The following BFSP2 variants were observed in gnomAD, a reference collection of about 807,000 sequenced individuals.
The protein encoded by BFSP2 is phakinin.
BFSP2 carries 38 observed loss-of-function variants against 44.9 expected under a neutral mutation model. That is an observed-to-expected ratio of 0.85 (90% CI 0.65 to 1.11). BFSP2 has a LOEUF of 1.11. BFSP2 is among the 50% of genes least tolerant of loss of function. The pLI is 0.00. For synonymous variants in BFSP2, 197 were observed against 209.9 expected (o/e 0.94, Z 0.53); for missense variants, 525 against 533.0 (o/e 0.99, Z 0.15).
rs562895753 is a variant in BFSP2, at chr3:133,400,860, G to A, written c.489+288G>A. 4.6e-5 allele frequency among the ~76,000 whole-genome samples: 7 copies of A among 152,340 alleles called. No homozygotes were observed. The South Asian group carries it at 1.5e-3, about 32-fold the overall frequency. ...TTTTTCAGATGAGAAACTGAGGCAT[G>A]TAATTTGCCCAAGACTTCAAAGCTA... On this transcript the variant is annotated intron_variant, in intron 1 of 6. Transcript: ENST00000302334. The surrounding 1 kb of genome is among the most constrained non-coding windows in gnomAD (Gnocchi z 4.0).
intron 1 of BFSP2, among the ~76,000 whole-genome samples, chr3:133,423,915 G>A (rs1173378288): frequency 1.3e-5 from 2 of 152,138 alleles, no homozygotes; most frequent in Non-Finnish European, 2.9e-5. Flanking sequence ...GCAGTCGTCC[G>A]CTTCACGTCA....
intron 1 of BFSP2, among the ~76,000 whole-genome samples, chr3:133,420,674 A>G (rs542798986): frequency 6.6e-6 from 1 of 152,306 alleles, no homozygotes; most frequent in East Asian, 1.9e-4. Flanking sequence ...TAGTGGGAGG[A>G]CCACGGAGTC....
chr3:133,428,812 C>T lies in BFSP2; in HGVS notation c.490-18505C>T, dbSNP rs538251260. ...GCCACACTTCCATACCGCCTGCCCTCGCTCTGACCTGCCTTCTCCATCAAA... is the reference window on the plus strand; with the variant it reads ...GCCACACTTCCATACCGCCTGCCCTTGCTCTGACCTGCCTTCTCCATCAAA... On this transcript the variant is annotated intron_variant, in intron 1 of 6. Transcript: ENST00000302334. Among the ~76,000 whole-genome samples the T allele has an allele frequency of 2.0e-5, 3 of 152,316 alleles. No homozygotes were observed. In the South Asian group the frequency reaches 6.2e-4, roughly 32 times the overall value.
chr3:133,455,271 A>G (rs928269921), intron 4 of BFSP2: 4 of 152,216 alleles, frequency 2.6e-5, no homozygotes, highest in Admixed American at 6.5e-5. Context: ...GCAGTGCAAT[A>G]GGTTTGTTTA....
At chr3:133,425,779 GAA>G (rs1406394757) in intron 1 of BFSP2, among the ~76,000 whole-genome samples, 1 of 33,612 alleles carries the variant, frequency 3.0e-5, no homozygotes, top group Non-Finnish European at 5.2e-5. Context: ...AAGGGAAAGG[GAA>G]AGGGAAGGGA....
At position 133,473,438 on chromosome 3, in the gene BFSP2, C is replaced by CAAAA. The variant is rs748691333; in HGVS notation, c.1244+891_1244+894dup. ...GGAAGTGGGAGAGAAGAGGCAGCAG[C>CAAAA]AAAAAAAAAAAAAAAAAAAAAGGCT... On this transcript the variant is annotated intron_variant, in intron 6 of 6. Transcript: ENST00000302334. Among the ~76,000 whole-genome samples, 94 of 72,594 alleles carry CAAAA rather than the reference C, an allele frequency of 1.3e-3. 1 individual carries two copies. Among genetic ancestry groups the CAAAA allele is most frequent in the African/African-American group, 2.3e-3 (45 of 19,178 alleles). The allele number at this position is 72,594 out of a possible 152,430, so 47.6% of individuals were successfully genotyped here.
chr3:133,432,307 C>A (rs769575489), intron 1 of BFSP2, among the ~76,000 whole-genome samples: 2 of 152,308 alleles, frequency 1.3e-5, no homozygotes, highest in East Asian at 3.9e-4. Flanking sequence ...GGTGCCCAAC[C>A]GGTACACCCT....
chr3:133,452,300 C>A (rs1009087803), intron 4 of BFSP2, among the ~76,000 whole-genome samples: 2 of 152,188 alleles, frequency 1.3e-5, no homozygotes, highest in Admixed American at 1.3e-4. Flanking sequence ...CCAAAATGTT[C>A]TCCAGCCTAG....
At chr3:133,447,632 T>C (rs1379006869) in intron 2 of BFSP2, among the ~76,000 whole-genome samples, 5 of 152,100 alleles carry the variant, frequency 3.3e-5, no homozygotes, top group Non-Finnish European at 1.5e-5. Flanking sequence ...TCTCAAACTC[T>C]GGAATGCTCA....
At chr3:133,451,110 CA>C (rs55964213) in intron 4 of BFSP2, among the ~76,000 whole-genome samples, 2,377 of 94,998 alleles carry the variant, frequency 0.025, 42 homozygotes, top group African/African-American at 0.096. Flanking sequence ...GACTCTGTCT[CA>C]AAAAAAAAAA....
chr3:133,424,234 T>TGGG (rs2073623034), intron 1 of BFSP2, among the ~76,000 whole-genome samples: 1 of 145,366 alleles, frequency 6.9e-6, no homozygotes, highest in African/African-American at 2.5e-5. Context: ...TTTTTTTTTT[T>TGGG]TTTTTTTGTA....
chr3:133,447,248 A>C lies in BFSP2; in HGVS notation c.490-69A>C, dbSNP rs959073521. The stretch of plus-strand genomic sequence containing the variant: ...CCCCAGAGCCTCTGTGCCTAACACA[A>C]GTCATGGTGGTAAGTGATCTTGACG... On this transcript the variant is annotated intron_variant, in intron 1 of 6. Transcript: ENST00000302334. The C allele has an allele frequency of 6.5e-6, 10 of 1,543,094 alleles. No homozygotes were observed. In the Admixed American group the frequency reaches 1.5e-4, roughly 23 times the overall value.
chr3:133,464,367 TAACTC>T (rs2074090354), intron 4 of BFSP2, among the ~76,000 whole-genome samples: 2 of 152,202 alleles, frequency 1.3e-5, no homozygotes, highest in African/African-American at 4.8e-5. Context: ...CTTGAGCAAA[TAACTC>T]AATCTCCCTG....
At position 133,411,345 on chromosome 3, in the gene BFSP2, C is replaced by T. The variant is rs564851377; in HGVS notation, c.489+10773C>T. Among the ~76,000 whole-genome samples the T allele has an allele frequency of 9.3e-4, 142 of 151,976 alleles. 1 individual carries two copies. Among genetic ancestry groups the T allele is most frequent in the African/African-American group, 3.3e-3 (135 of 41,504 alleles). Reference sequence around the variant, plus strand: ...AAAAATAAATAAAGAGAGGAATTATCTTTTTATAGATGTATTCCAGCTAAT... The same window carrying T: ...AAAAATAAATAAAGAGAGGAATTATTTTTTTATAGATGTATTCCAGCTAAT... On this transcript the variant is annotated intron_variant, in intron 1 of 6. Transcript: ENST00000302334.
intron 1 of BFSP2, among the ~76,000 whole-genome samples, chr3:133,407,558 C>T (rs1400238526): frequency 6.6e-6 from 1 of 151,810 alleles, no homozygotes; most frequent in Non-Finnish European, 1.5e-5. Flanking sequence ...CAAGAATGGC[C>T]AGGAAAGAAA....
chr3:133,474,446 C>T (rs1195162523), intron 6 of BFSP2, among the ~76,000 whole-genome samples: 5 of 152,240 alleles, frequency 3.3e-5, no homozygotes, highest in East Asian at 1.9e-4. Context: ...AAGGAAGCGA[C>T]CTAACCACGC....
At chr3:133,460,749 T>C (rs2074055127) in intron 4 of BFSP2, among the ~76,000 whole-genome samples, 1 of 152,254 alleles carries the variant, frequency 6.6e-6, no homozygotes, top group Admixed American at 6.5e-5. Context: ...GACCATTGTT[T>C]ACCTTTCTCC....
chr3:133,463,780 G>A (rs1263189589), intron 4 of BFSP2, among the ~76,000 whole-genome samples: 1 of 152,228 alleles, frequency 6.6e-6, no homozygotes, highest in Non-Finnish European at 1.5e-5. Context: ...TTATTTTAGA[G>A]AGACTGTTAA....
At chr3:133,464,044 T>C (rs950447471) in intron 4 of BFSP2, among the ~76,000 whole-genome samples, 1 of 152,182 alleles carries the variant, frequency 6.6e-6, no homozygotes, top group Non-Finnish European at 1.5e-5. Flanking sequence ...CCACCCTCTG[T>C]AGCTACATTG....
Sources: gnomAD v4.1 joint callset for allele counts (sites outside exome capture counted in the v4.1 genomes callset) on GRCh38, gnomAD v4.1.1 for gene constraint, Gnocchi (gnomAD v3.1) non-coding constraint, MANE v1.5 for transcripts, NCBI Gene and HGNC (gene_info 2026-07-23, HGNC 2026-07-21) for gene names.